NUDCD1: variants seen among roughly 807,000 people sequenced by gnomAD.
NUDCD1 encodes the protein nudC domain-containing protein 1.
A neutral mutation model predicts 67.8 loss-of-function variants in NUDCD1; 60 were observed. That is an observed-to-expected ratio of 0.88 (90% CI 0.72 to 1.10). The LOEUF (loss-of-function observed/expected upper bound fraction) is 1.10. Among genes scored for constraint, NUDCD1 ranks in the 50% least tolerant of loss-of-function variants. The probability of loss-of-function intolerance (pLI) is 0.00; values close to 1 mark genes in which losing one functional copy is unlikely to be tolerated. For synonymous variants in NUDCD1, 244 were observed against 230.8 expected (o/e 1.06, Z -0.52); for missense variants, 643 against 695.0 (o/e 0.93, Z 0.84).
At chr8:109,321,560 TAGGAACAAAGACACCA>T (rs1815537953) in intron 2 of NUDCD1, among the ~76,000 whole-genome samples, 1 of 151,900 alleles carries the variant, frequency 6.6e-6, no homozygotes, top group South Asian at 2.1e-4. Flanking sequence ...TGCAAAAAAG[TAGGAACAAAGACACCA>T]AGGAACAAAG....
At chr8:109,299,733 C>T (rs1814933259) in intron 2 of NUDCD1, among the ~76,000 whole-genome samples, 1 of 152,140 alleles carries the variant, frequency 6.6e-6, no homozygotes, top group African/African-American at 2.4e-5. Flanking sequence ...ACTGTGTGTT[C>T]CTCCCCATAC....
At chr8:109,267,052 G>A (rs572624049) in intron 8 of NUDCD1, among the ~76,000 whole-genome samples, 3 of 151,948 alleles carry the variant, frequency 2.0e-5, no homozygotes, top group African/African-American at 4.8e-5. Context: ...CTACATATAC[G>A]TTTATGCATT....
intron 5 of NUDCD1, among the ~76,000 whole-genome samples, chr8:109,282,019 A>T (rs947705681): frequency 1.3e-5 from 2 of 152,142 alleles, no homozygotes; most frequent in Non-Finnish European, 2.9e-5. Flanking sequence ...CCCTGTCCAG[A>T]GAACTTGGGG....
intron 1 of NUDCD1, among the ~76,000 whole-genome samples, chr8:109,331,409 G>A (rs933989479): frequency 1.3e-5 from 2 of 151,588 alleles, no homozygotes; most frequent in Middle Eastern, 3.2e-3. Flanking sequence ...CCAACTACTC[G>A]GGAGGCTGAG....
Position 109,280,984 on chromosome 8 carries a change from T to C in NUDCD1, c.1012A>G (p.Ile338Val), listed in dbSNP as rs988359729. The change falls in exon 6 of 10, where the codon ATT (isoleucine) becomes GTT (valine). Residue 338 changes from isoleucine to valine, a missense_variant. Ile to Val is a conservative substitution (Grantham distance 29). Transcript: ENST00000239690. The part of the protein sequence containing the change: ...SIDHESSTWI[I>V]KESNSLEISL... ...AAAAAATACCTATTACTCTCTTTAA[T>C]TATCCATGTACTGCTTTCATGATCA... 14 of 1,565,290 alleles carry C rather than the reference T, an allele frequency of 8.9e-6. No individual in the cohort carries two copies. The highest frequency in any genetic ancestry group is 1.4e-5 in the African/African-American group (1 of 73,954).
intron 6 of NUDCD1, among the ~76,000 whole-genome samples, chr8:109,276,815 T>C (rs975502224): frequency 1.3e-5 from 2 of 152,062 alleles, no homozygotes; most frequent in Admixed American, 1.3e-4. Flanking sequence ...CACGCCATCA[T>C]GCCCACCTGG....
At chr8:109,324,551 C>G (rs1220813674) in intron 1 of NUDCD1, among the ~76,000 whole-genome samples, 2 of 152,058 alleles carry the variant, frequency 1.3e-5, no homozygotes, top group Non-Finnish European at 2.9e-5. Flanking sequence ...GGCACTCCCA[C>G]AAATGAATAT....
intron 8 of NUDCD1, among the ~76,000 whole-genome samples, chr8:109,252,022 C>T (rs1216259503): frequency 2.6e-5 from 4 of 152,080 alleles, no homozygotes; most frequent in Admixed American, 6.6e-5. Context: ...CAGTTTTGCT[C>T]GAGTACTTTC....
intron 8 of NUDCD1, among the ~76,000 whole-genome samples, chr8:109,268,494 A>G (rs987910033): frequency 2.9e-4 from 44 of 152,296 alleles, no homozygotes; most frequent in African/African-American, 1.0e-3. Flanking sequence ...CAAACATAGG[A>G]AATGAAGAAA....
intron 2 of NUDCD1, among the ~76,000 whole-genome samples, chr8:109,305,523 A>G (rs932708520): frequency 2.0e-5 from 3 of 152,186 alleles, no homozygotes; most frequent in Non-Finnish European, 4.4e-5. Context: ...AGGACTGGAC[A>G]GTACTTTTAC....
At chr8:109,271,415 T>C (rs760615901) in intron 7 of NUDCD1, among the ~76,000 whole-genome samples, 27 of 152,242 alleles carry the variant, frequency 1.8e-4, no homozygotes, top group Non-Finnish European at 3.7e-4. Flanking sequence ...AACTTCTGGA[T>C]ATAAAAACAC....
chr8:109,322,205 T>C, intron 2 of NUDCD1, 104 bp downstream of exon 2: 2 of 561,110 alleles, frequency 3.6e-6, no homozygotes, highest in Admixed American at 2.9e-5. Flanking sequence ...TACAGGTATG[T>C]GCACCTCACT....
chr8:109,244,262 C>G (rs1350185447), intron 9 of NUDCD1, among the ~76,000 whole-genome samples: 2 of 151,942 alleles, frequency 1.3e-5, no homozygotes, highest in African/African-American at 4.8e-5. Flanking sequence ...CTAACCTTGA[C>G]AGAATAATGT....
intron 5 of NUDCD1, among the ~76,000 whole-genome samples, chr8:109,287,729 T>C (rs1390936173): frequency 6.6e-6 from 1 of 152,080 alleles, no homozygotes; most frequent in Non-Finnish European, 1.5e-5. Context: ...CTAAGCACCA[T>C]GCAATACAAC....
chr8:109,253,406 A>G (rs561367350), intron 8 of NUDCD1, among the ~76,000 whole-genome samples: 2 of 152,316 alleles, frequency 1.3e-5, no homozygotes, highest in African/African-American at 2.4e-5. Context: ...CAAGTTGATT[A>G]TCAAGAGGCA....
At chr8:109,300,903 C>T (rs1814973055) in intron 2 of NUDCD1, among the ~76,000 whole-genome samples, 1 of 152,218 alleles carries the variant, frequency 6.6e-6, no homozygotes, top group South Asian at 2.1e-4. Flanking sequence ...GCAGATTTGT[C>T]AGCTGAAGCC....
chr8:109,274,434 A>G (rs966949031), intron 7 of NUDCD1, among the ~76,000 whole-genome samples: 1 of 152,148 alleles, frequency 6.6e-6, no homozygotes, highest in Non-Finnish European at 1.5e-5. Context: ...CCCAGAGCCT[A>G]ATACAATAAT....
intron 6 of NUDCD1, among the ~76,000 whole-genome samples, chr8:109,277,207 T>G (rs1405827795): frequency 6.6e-6 from 1 of 152,182 alleles, no homozygotes; most frequent in African/African-American, 2.4e-5. Context: ...TCACAAGCTA[T>G]TTAAACAGTC....
At chr8:109,316,140 A>C (rs1456829117) in intron 2 of NUDCD1, 1 of 152,228 alleles carries the variant, frequency 6.6e-6, no homozygotes, top group Non-Finnish European at 1.5e-5. Flanking sequence ...CATTACTTTA[A>C]AATAAGCCAT....
Sources: allele counts gnomAD v4.1 joint callset (sites outside exome capture counted in the v4.1 genomes callset), GRCh38; gene constraint gnomAD v4.1.1; transcripts MANE v1.5; gene names NCBI Gene and HGNC (gene_info 2026-07-23, HGNC 2026-07-21).